The following PRELID2 variants were observed in gnomAD, a reference collection of about 807,000 sequenced individuals.
PRELID2 encodes the protein PRELI domain-containing protein 2.
Under a neutral mutation model 28.4 loss-of-function variants are expected in PRELID2, and 25 were observed. The observed-to-expected ratio is 0.88, with a 90% CI of 0.64 to 1.23. PRELID2 has a LOEUF of 1.23. PRELID2 is among the 50% of genes most tolerant of loss of function. PRELID2 has a pLI of 0.00. For synonymous variants in PRELID2, 76 were observed against 71.6 expected (o/e 1.06, Z -0.31); for missense variants, 201 against 214.4 (o/e 0.94, Z 0.39).
chr5:145,240,457 A>G, the PRELID2 span, among the ~76,000 whole-genome samples: 1 of 152,140 alleles, frequency 6.6e-6, no homozygotes, highest in East Asian at 1.9e-4. Context: ...ACATATTTAT[A>G]AATAGTAAAT....
At chr5:145,655,557 G>A (rs1418873498) in intron 1 of PRELID2, among the ~76,000 whole-genome samples, 2 of 152,138 alleles carry the variant, frequency 1.3e-5, no homozygotes, top group African/African-American at 4.8e-5. Flanking sequence ...CAGAGATATA[G>A]ACCAATGGAA....
chr5:145,454,332 G>A, the PRELID2 span, among the ~76,000 whole-genome samples: 2 of 152,158 alleles, frequency 1.3e-5, no homozygotes, highest in East Asian at 3.9e-4. Flanking sequence ...CATACTGAAT[G>A]GGAAAAAACT....
the PRELID2 span, among the ~76,000 whole-genome samples, chr5:145,324,466 G>A: frequency 7.3e-4 from 111 of 152,290 alleles, no homozygotes; most frequent in East Asian, 0.019. Flanking sequence ...GTTCAAATTG[G>A]TGAAGGGTGA....
At chr5:145,298,115 A>G in the PRELID2 span, among the ~76,000 whole-genome samples, 1 of 152,262 alleles carries the variant, frequency 6.6e-6, no homozygotes, top group Admixed American at 6.5e-5. Flanking sequence ...ATTGGAAAAA[A>G]CTACTTTAAA....
At chr5:145,398,757 A>G in the PRELID2 span, among the ~76,000 whole-genome samples, 2 of 152,154 alleles carry the variant, frequency 1.3e-5, no homozygotes, top group South Asian at 2.1e-4. Flanking sequence ...AGGACATTTC[A>G]GAGAATGACG....
At chr5:145,595,132 A>G (rs967312329) in intron 1 of PRELID2, among the ~76,000 whole-genome samples, 2 of 149,128 alleles carry the variant, frequency 1.3e-5, no homozygotes, top group East Asian at 2.0e-4. Flanking sequence ...AAAAGAAAAA[A>G]AAGAAGAAGA....
chr5:145,741,555 T>TG (rs1756751223), intron 1 of PRELID2, among the ~76,000 whole-genome samples: 2 of 110,490 alleles, frequency 1.8e-5, no homozygotes, highest in Admixed American at 2.4e-4. Flanking sequence ...AAATAATTTA[T>TG]TTATATATAA....
chr5:145,735,245 A>G (rs913563572), intron 1 of PRELID2, among the ~76,000 whole-genome samples: 1 of 85,350 alleles, frequency 1.2e-5, no homozygotes, highest in Non-Finnish European at 2.1e-5. Context: ...TCTCCATCTC[A>G]AAAAAAAAAA....
chr5:145,603,470 A>G (rs763368792), intron 1 of PRELID2, among the ~76,000 whole-genome samples: 30 of 152,188 alleles, frequency 2.0e-4, no homozygotes, highest in Non-Finnish European at 4.1e-4. Flanking sequence ...AAGTGAATGT[A>G]TGCTTTAAAC....
At chr5:145,316,689 C>A in the PRELID2 span, among the ~76,000 whole-genome samples, 1 of 152,160 alleles carries the variant, frequency 6.6e-6, no homozygotes, top group Non-Finnish European at 1.5e-5. Flanking sequence ...TAGGGCTACT[C>A]CCCAGAGCAG....
the PRELID2 span, among the ~76,000 whole-genome samples, chr5:145,234,307 C>A: frequency 6.6e-6 from 1 of 152,136 alleles, no homozygotes; most frequent in Admixed American, 6.6e-5. Flanking sequence ...AACACAACAG[C>A]TCCATGAGAT....
the PRELID2 span, among the ~76,000 whole-genome samples, chr5:145,275,263 C>T: frequency 6.6e-6 from 1 of 152,066 alleles, no homozygotes; most frequent in African/African-American, 2.4e-5. Flanking sequence ...TGGCCCTGTC[C>T]TCATGGACCA....
At chr5:145,248,594 C>G in the PRELID2 span, among the ~76,000 whole-genome samples, 4 of 150,088 alleles carry the variant, frequency 2.7e-5, no homozygotes, top group Non-Finnish European at 1.5e-5. Context: ...AGAGATCGAT[C>G]GAGAACATCC....
chr5:145,732,144 T>A (rs1359723305), intron 1 of PRELID2, among the ~76,000 whole-genome samples: 1 of 152,196 alleles, frequency 6.6e-6, no homozygotes, highest in East Asian at 1.9e-4. Flanking sequence ...TGATTACAGT[T>A]TATGTCACTG....
intron 1 of PRELID2, among the ~76,000 whole-genome samples, chr5:145,688,700 A>G (rs1755085414): frequency 6.6e-6 from 1 of 152,226 alleles, no homozygotes. Flanking sequence ...ACAGAGCATG[A>G]CACATTGGAA....
At chr5:145,562,617 T>C (rs1752933444) in intron 1 of PRELID2, among the ~76,000 whole-genome samples, 1 of 152,232 alleles carries the variant, frequency 6.6e-6, no homozygotes, top group African/African-American at 2.4e-5. Context: ...AGATAGATTC[T>C]GTTAAAAGAT....
At chr5:145,554,785 A>T (rs993698708) in intron 1 of PRELID2, among the ~76,000 whole-genome samples, 4 of 152,194 alleles carry the variant, frequency 2.6e-5, no homozygotes, top group African/African-American at 4.8e-5. Context: ...TAAGAATTTT[A>T]CTCAGGACAA....
At chr5:145,277,400 T>TGCTCCCATTCATAAG in the PRELID2 span, among the ~76,000 whole-genome samples, 1 of 152,198 alleles carries the variant, frequency 6.6e-6, no homozygotes, top group African/African-American at 2.4e-5. Flanking sequence ...TTTAGAGTGT[T>TGCTCCCATTCATAAG]GCTCCCATTC....
chr5:145,567,534 C>T (rs1269387736), intron 1 of PRELID2, among the ~76,000 whole-genome samples: 2 of 152,284 alleles, frequency 1.3e-5, no homozygotes, highest in East Asian at 1.9e-4. Flanking sequence ...TGCACCACCA[C>T]ATCTGGCTAG....
Sources: gnomAD v4.1 joint callset for allele counts (sites outside exome capture counted in the v4.1 genomes callset) on GRCh38, gnomAD v4.1.1 for gene constraint, MANE v1.5 for transcripts, NCBI Gene and HGNC (gene_info 2026-07-23, HGNC 2026-07-21) for gene names.